The following FMO5 variants were observed in gnomAD, a reference collection of about 807,000 sequenced individuals.
FMO5 encodes flavin-containing monooxygenase 5.
A neutral mutation model predicts 43.6 loss-of-function variants in FMO5; 51 were observed. The observed-to-expected ratio is 1.17, with a 90% CI of 0.93 to 1.48. FMO5 has a LOEUF of 1.48. Ranked by LOEUF, FMO5 falls within the 40% of genes most tolerant of loss-of-function variation. The pLI, the probability that FMO5 is intolerant of heterozygous loss-of-function variation, is 0.00. For synonymous variants in FMO5, 187 were observed against 216.5 expected (o/e 0.86, Z 1.20); for missense variants, 644 against 643.0 (o/e 1.00, Z -0.02).
chr1:147,225,436 C>T (rs1167430485), upstream of FMO5: 9 of 168,768 alleles, frequency 5.3e-5, no homozygotes, highest in African/African-American at 1.9e-4. Flanking sequence ...TTTCAGGGAC[C>T]ACTCCCCCGC....
chr1:147,221,271 A>C (rs1056350671), intron 2 of FMO5, among the ~76,000 whole-genome samples: 3 of 152,200 alleles, frequency 2.0e-5, no homozygotes, highest in Admixed American at 2.0e-4. Context: ...ATCTGAATAA[A>C]GTATGGACTT....
intron 2 of FMO5, among the ~76,000 whole-genome samples, chr1:147,218,478 C>T (rs767234466): frequency 1.3e-5 from 2 of 151,902 alleles, no homozygotes; most frequent in East Asian, 1.9e-4. Flanking sequence ...CCTCGTGATC[C>T]GCCCGCCTCA....
At chr1:147,226,239 G>A (rs1164448221), upstream of FMO5, among the ~76,000 whole-genome samples, 1 of 151,588 alleles carries the variant, frequency 6.6e-6, no homozygotes, top group Non-Finnish European at 1.5e-5. Flanking sequence ...TTCCGCCCCC[G>A]GCTCACCTAT....
upstream of FMO5, among the ~76,000 whole-genome samples, chr1:147,226,058 A>C (rs1308659508): frequency 6.7e-6 from 1 of 149,156 alleles, no homozygotes; most frequent in Non-Finnish European, 1.5e-5. Flanking sequence ...ACTTTTTTTA[A>C]CTCCTAGGGC....
chr1:147,204,900 G>T, intron 6 of FMO5: 1 of 1,580,286 alleles, frequency 6.3e-7, no homozygotes, highest in Non-Finnish European at 8.7e-7. Context: ...GCATCTGGGC[G>T]AAGCCCGGAG....
chr1:147,204,348 G>T, intron 6 of FMO5: 2 of 997,774 alleles, frequency 2.0e-6, no homozygotes, highest in Non-Finnish European at 3.2e-6. Context: ...CTTTGAAATG[G>T]CCAGAATCAG....
intron 5 of FMO5, chr1:147,210,789 A>C (rs1571333015): frequency 6.6e-6 from 1 of 152,288 alleles, no homozygotes; most frequent in East Asian, 1.9e-4. Context: ...CATATTTCTT[A>C]TTTCAGTTTT....
At chr1:147,211,975 A>G (rs1022740794) in intron 5 of FMO5, among the ~76,000 whole-genome samples, 3 of 152,236 alleles carry the variant, frequency 2.0e-5, no homozygotes, top group Admixed American at 2.0e-4. Context: ...AAAGTTTCCA[A>G]TGATCACGCG....
intron 8 of FMO5, 86 bp from the exon 9 acceptor site, chr1:147,187,331 G>A: frequency 1.1e-6 from 1 of 915,750 alleles, no homozygotes; most frequent in East Asian, 2.5e-5. Flanking sequence ...GCCTGCTATT[G>A]GCTCAATATC....
At chr1:147,184,998 G>A (rs782568340), downstream of FMO5, among the ~76,000 whole-genome samples, 3 of 151,786 alleles carry the variant, frequency 2.0e-5, no homozygotes, top group Admixed American at 6.6e-5. The surrounding 1 kb of genome is among the most constrained non-coding windows in gnomAD (Gnocchi z 4.4). Flanking sequence ...TTTTGTAATC[G>A]ACTTTAAAAT....
chr1:147,191,369 C>T (rs1272387268), intron 7 of FMO5, among the ~76,000 whole-genome samples: 7 of 151,992 alleles, frequency 4.6e-5, no homozygotes, highest in Non-Finnish European at 7.4e-5. Flanking sequence ...TTTTAATGAT[C>T]GCCATTCTAA....
chr1:147,215,490 A>C (rs1431292525), intron 3 of FMO5: 1 of 407,920 alleles, frequency 2.5e-6, no homozygotes, highest in African/African-American at 2.1e-5. Flanking sequence ...TGTTTATTGC[A>C]ATCAAATAAT....
At position 147,187,281 on chromosome 1, in the gene FMO5, T is replaced by TTTTCTC. The variant is rs782677895; in HGVS notation, c.1257-37_1257-36insGAGAAA. 6.8e-6 allele frequency: 10 copies of TTTTCTC among 1,477,378 alleles called. 1 individual carries two copies. The South Asian group carries it at 1.3e-4, about 19-fold the overall frequency. 91.5% of individuals were successfully genotyped at this position (1,477,378 alleles called of 1,614,324 possible). On this transcript the variant is annotated intron_variant, in intron 8 of 8. Transcript: ENST00000254090. The stretch of plus-strand genomic sequence containing the variant: ...AAAGACAGAAACCATGGCCTGTCAA[T>TTTTCTC]AATTCAATCAGTCAGTCAATCAATT...
rs587656782 is a variant in FMO5 at position 147,206,398 on chromosome 1, C to T, written c.830+2454G>A. ...GAACTAGAAATACCATTTGACCCAACCATCCCATTACTGGGTATATACCCA... is the reference window on the plus strand; with the variant it reads ...GAACTAGAAATACCATTTGACCCAATCATCCCATTACTGGGTATATACCCA... On this transcript the variant is annotated intron_variant, in intron 6 of 8. Transcript: ENST00000254090. Among the ~76,000 whole-genome samples the T allele has an allele frequency of 2.0e-5, 3 of 152,334 alleles. No individual in the cohort carries two copies. The East Asian group carries it at 5.8e-4, about 29-fold the overall frequency.
intron 6 of FMO5, chr1:147,204,351 AGAAT>A (rs1365724326): frequency 8.9e-6 from 9 of 1,012,004 alleles, no homozygotes; most frequent in Non-Finnish European, 1.3e-5. Flanking sequence ...TGAAATGGCC[AGAAT>A]CAGGAAAAAT....
Position 147,204,208 on chromosome 1 carries a change from G to A in FMO5, c.831-2704C>T, listed in dbSNP as rs587745621. The stretch of plus-strand genomic sequence containing the variant: ...TTATCATGCCATCAAAAGGACAAGA[G>A]TACACTGCTATTTTTGCATCTTTGA... On this transcript the variant is annotated intron_variant, in intron 6 of 8. Transcript: ENST00000254090. The A allele has an allele frequency of 2.9e-6, 4 of 1,382,300 alleles. No homozygotes were observed. The East Asian group carries it at 6.9e-5, about 24-fold the overall frequency. 85.6% of individuals were successfully genotyped at this position (1,382,300 alleles called of 1,614,324 possible). A position where few individuals can be genotyped will look rare whatever the true frequency, so the allele number is the denominator to read the frequency against.
chr1:147,195,865 C>T (rs1657906164), intron 7 of FMO5, among the ~76,000 whole-genome samples: 1 of 152,104 alleles, frequency 6.6e-6, no homozygotes, highest in African/African-American at 2.4e-5. Context: ...TTAAACATCA[C>T]TGGTGATGGG....
Position 147,213,345 on chromosome 1 carries a change from A to G in FMO5, c.450T>C (p.His150=). 2 of 1,612,782 alleles carry G rather than the reference A, an allele frequency of 1.2e-6. No homozygotes were observed. Among genetic ancestry groups the G allele is most frequent in the Non-Finnish European group, 1.7e-6 (2 of 1,179,328 alleles). The change falls in exon 4 of 9, where the codon CAT becomes CAC. Residue 150 remains histidine, a synonymous_variant. Transcript: ENST00000254090. The stretch of plus-strand genomic sequence containing the variant: ...CCAGAGGTAGATGAGCATTGGTGTG[A>G]TGGCCAGTGCAAACCATGACTCCAT... The part of the protein sequence containing the change: ...VFDGVMVCTG[H]HTNAHLPLES...
intron 8 of FMO5, among the ~76,000 whole-genome samples, chr1:147,188,800 T>A (rs183170828): frequency 6.6e-6 from 1 of 150,888 alleles, no homozygotes; most frequent in Non-Finnish European, 1.5e-5. Flanking sequence ...CTTGGGTTAC[T>A]GACTACTCAG....
Sources: allele counts gnomAD v4.1 joint callset (sites outside exome capture counted in the v4.1 genomes callset), GRCh38; gene constraint gnomAD v4.1.1; non-coding constraint Gnocchi (gnomAD v3.1); transcripts MANE v1.5; gene names NCBI Gene and HGNC (gene_info 2026-07-23, HGNC 2026-07-21).